The following CWF19L2 variants were observed in gnomAD, a reference collection of about 807,000 sequenced individuals.
CWF19L2 encodes CWF19 like cell cycle control factor 2, also known as CWF19-like protein 2.
Under a neutral mutation model 111.7 loss-of-function variants are expected in CWF19L2, and 98 were observed. The ratio of observed to expected loss-of-function variants is 0.88; its 90% CI spans 0.75 to 1.04. The LOEUF (loss-of-function observed/expected upper bound fraction) is 1.04. Ranked by LOEUF, CWF19L2 falls within the 50% of genes least tolerant of loss-of-function variation. CWF19L2 has a pLI of 0.00. For missense variants in CWF19L2, 1,101 were observed against 1,051.4 expected (o/e 1.05, Z -0.65); for synonymous variants, 351 against 342.9 (o/e 1.02, Z -0.26).
At chr11:107,442,616 C>T (rs944321037) in intron 4 of CWF19L2, among the ~76,000 whole-genome samples, 23 of 150,528 alleles carry the variant, frequency 1.5e-4, no homozygotes, top group African/African-American at 5.6e-4. Context: ...CTTGGGAGGT[C>T]GAGGGTGCAG....
intron 11 of CWF19L2, 53 bp downstream of exon 11, chr11:107,392,726 C>A: frequency 9.1e-7 from 1 of 1,100,084 alleles, no homozygotes; most frequent in Non-Finnish European, 1.3e-6. Flanking sequence ...AAGAAAGCCC[C>A]AAGGGGAAGA....
intron 14 of CWF19L2, among the ~76,000 whole-genome samples, chr11:107,345,231 T>C (rs1860061851): frequency 7.1e-6 from 1 of 139,988 alleles, no homozygotes; most frequent in Non-Finnish European, 1.6e-5. Context: ...AAGAAAACTT[T>C]ATTGTTACTT....
intron 13 of CWF19L2, among the ~76,000 whole-genome samples, chr11:107,352,157 T>C (rs1037264706): frequency 1.3e-5 from 2 of 152,202 alleles, no homozygotes; most frequent in Admixed American, 1.3e-4. Context: ...TGTATTGTCC[T>C]GTATTTCCTA....
chr11:107,328,885 T>C (rs1859801858), intron 17 of CWF19L2, among the ~76,000 whole-genome samples: 2 of 152,192 alleles, frequency 1.3e-5, no homozygotes, highest in African/African-American at 4.8e-5. Context: ...TTCTGTAATA[T>C]GTTATAACAG....
intron 8 of CWF19L2, among the ~76,000 whole-genome samples, chr11:107,425,750 C>A (rs2135405721): frequency 6.6e-6 from 1 of 151,982 alleles, no homozygotes; most frequent in Non-Finnish European, 1.5e-5. Context: ...GCTTGCCCTT[C>A]TGGGCTACAG....
chr11:107,361,745 ATTACC>A (rs1860341969), intron 12 of CWF19L2, among the ~76,000 whole-genome samples: 1 of 152,142 alleles, frequency 6.6e-6, no homozygotes. Flanking sequence ...TGTAAATGGG[ATTACC>A]TTGATGACTT....
chr11:107,335,993 G>C (rs749023523), intron 15 of CWF19L2, among the ~76,000 whole-genome samples: 3 of 152,160 alleles, frequency 2.0e-5, no homozygotes, highest in East Asian at 3.9e-4. Context: ...AGGCTGAGGC[G>C]GGCAGATCAC....
intron 3 of CWF19L2, 41 bp downstream of exon 3, chr11:107,454,409 T>C: frequency 7.9e-7 from 1 of 1,272,310 alleles, no homozygotes; most frequent in Non-Finnish European, 1.0e-6. Flanking sequence ...AAATAAAATG[T>C]TCTCAAATAG....
intron 2 of CWF19L2, 72 bp downstream of exon 2, chr11:107,455,594 A>C: frequency 1.2e-6 from 1 of 804,856 alleles, no homozygotes; most frequent in Middle Eastern, 2.3e-4. Flanking sequence ...AAAATTATTC[A>C]TCCAATATTA....
At position 107,355,143 on chromosome 11, in the gene CWF19L2, G is replaced by A. The variant is rs531728657; in HGVS notation, c.1873-1407C>T. 1.2e-4 allele frequency among the ~76,000 whole-genome samples: 19 copies of A among 152,230 alleles called. No homozygotes were observed. The South Asian group carries it at 2.3e-3, about 18-fold the overall frequency. On this transcript the variant is annotated intron_variant, in intron 12 of 17. Coordinates refer to ENST00000282251, the MANE Select transcript of CWF19L2 (RefSeq NM_152434.3). Reference sequence around the variant, plus strand: ...GTATTAAAAACAAAACAGGCCAGGCGCGGTGGCTCACACCTGTAATCCCTG... The same window carrying A: ...GTATTAAAAACAAAACAGGCCAGGCACGGTGGCTCACACCTGTAATCCCTG...
intron 12 of CWF19L2, among the ~76,000 whole-genome samples, chr11:107,371,305 T>C (rs1860507210): frequency 7.3e-6 from 1 of 137,784 alleles, no homozygotes; most frequent in African/African-American, 2.9e-5. Flanking sequence ...GCCCGGCCTC[T>C]AGTTTCTATC....
At chr11:107,384,607 T>C (rs1860738095) in intron 12 of CWF19L2, among the ~76,000 whole-genome samples, 1 of 152,196 alleles carries the variant, frequency 6.6e-6, no homozygotes, top group Non-Finnish European at 1.5e-5. Context: ...ATTGAAAAAC[T>C]ACAACTTCCA....
chr11:107,361,197 T>G (rs7124763), intron 12 of CWF19L2, among the ~76,000 whole-genome samples: 1 of 152,096 alleles, frequency 6.6e-6, no homozygotes, highest in Non-Finnish European at 1.5e-5. Context: ...CCAGCACCAT[T>G]TACTGAAAAG....
In CWF19L2 at chr11:107,375,356, AC is replaced by A. The variant is rs1397010429; in HGVS notation, c.1872+14717del. Among the ~76,000 whole-genome samples the A allele has an allele frequency of 2.2e-5, 3 of 137,052 alleles. 1 individual carries two copies. Among genetic ancestry groups the A allele is most frequent in the Non-Finnish European group, 4.7e-5 (3 of 63,854 alleles). 89.9% of individuals were successfully genotyped at this position (137,052 alleles called of 152,430 possible). The stretch of plus-strand genomic sequence containing the variant: ...CCACACCACACCTATTCCAAAATTG[AC>A]CACATACTTGGAAGTAAAGCTCTCC... On this transcript the variant is annotated intron_variant, in intron 12 of 17. Coordinates refer to ENST00000282251, the MANE Select transcript of CWF19L2 (RefSeq NM_152434.3).
chr11:107,403,421 G>A, intron 10 of CWF19L2: 1 of 755,834 alleles, frequency 1.3e-6, no homozygotes. Flanking sequence ...CTCATCTTCT[G>A]GTAGGGGATC....
chr11:107,428,725 A>C lies in CWF19L2; in HGVS notation c.1433+74T>G, dbSNP rs1861415127. ...AGATCATAGTCACAGCTAATAACTGATGTTCTAAAAATACAGTTCTGTTCT... is the reference window on the plus strand; with the variant it reads ...AGATCATAGTCACAGCTAATAACTGCTGTTCTAAAAATACAGTTCTGTTCT... On this transcript the variant is annotated intron_variant, in intron 8 of 17. Transcript: ENST00000282251. 6 of 1,146,038 alleles carry C rather than the reference A, an allele frequency of 5.2e-6. No individual in the cohort carries two copies. In the Admixed American group the frequency reaches 1.4e-4, roughly 26 times the overall value. 71.0% of individuals were successfully genotyped at this position (1,146,038 alleles called of 1,614,324 possible). A position where few individuals can be genotyped will look rare whatever the true frequency, so the allele number is the denominator to read the frequency against.
At chr11:107,451,433 C>T (rs959816728) in intron 3 of CWF19L2, among the ~76,000 whole-genome samples, 8 of 151,142 alleles carry the variant, frequency 5.3e-5, no homozygotes, top group African/African-American at 1.2e-4. Flanking sequence ...ACAAAGTATT[C>T]GCAAAGAATA....
chr11:107,383,460 A>C (rs183919863), intron 12 of CWF19L2, among the ~76,000 whole-genome samples: 10 of 152,208 alleles, frequency 6.6e-5, no homozygotes, highest in Admixed American at 6.5e-4. Context: ...TTTAAAAGAG[A>C]GTTTTTCTCT....
At chr11:107,382,671 T>C (rs958439772) in intron 12 of CWF19L2, among the ~76,000 whole-genome samples, 3 of 152,234 alleles carry the variant, frequency 2.0e-5, no homozygotes, top group African/African-American at 4.8e-5. Flanking sequence ...TGTGGTGTTA[T>C]GATATGCGTT....
Sources: allele counts gnomAD v4.1 joint callset (sites outside exome capture counted in the v4.1 genomes callset), GRCh38; gene constraint gnomAD v4.1.1; transcripts MANE v1.5; gene names NCBI Gene and HGNC (gene_info 2026-07-23, HGNC 2026-07-21).